CIT: variants seen among roughly 807,000 people sequenced by gnomAD.
The protein encoded by CIT is citron Rho-interacting kinase.
In CIT, 79 loss-of-function variants were observed where a neutral mutation model predicts 272.7. The observed-to-expected ratio is 0.29, with a 90% CI of 0.24 to 0.35. The LOEUF is 0.35. Among genes scored for constraint, CIT ranks in the 10% least tolerant of loss-of-function variants. The pLI, the probability that CIT is intolerant of heterozygous loss-of-function variation, is 1.00. For synonymous variants in CIT, 948 were observed against 995.6 expected (o/e 0.95, Z 0.90); for missense variants, 1,909 against 2,618.3 (o/e 0.73, Z 5.91).
chr12:119,840,189 A>T (rs1969313877), intron 5 of CIT, among the ~76,000 whole-genome samples: 2 of 152,170 alleles, frequency 1.3e-5, no homozygotes, highest in Admixed American at 1.3e-4. Flanking sequence ...ATGGTAGTAT[A>T]TGCCTATAGT....
chr12:119,715,146 C>T lies in CIT; in HGVS notation c.4169-812G>A, dbSNP rs555157203. Among the ~76,000 whole-genome samples the T allele has an allele frequency of 1.9e-4, 29 of 152,270 alleles. No homozygotes were observed. In the South Asian group the frequency reaches 2.5e-3, roughly 13 times the overall value. ...CTTGGTTCTTATTCTCTTTTGTCAC[C>T]GCCACATGAGACATGCCTTTTGCCT... On this transcript the variant is annotated intron_variant, in intron 32 of 47. Transcript: ENST00000392521.
intron 47 of CIT, among the ~76,000 whole-genome samples, chr12:119,689,563 T>C (rs530512871): frequency 6.6e-6 from 1 of 151,892 alleles, no homozygotes; most frequent in South Asian, 2.1e-4. Context: ...CACTTGCCTC[T>C]GGAGAAGGGA....
In CIT at chr12:119,784,339, G is replaced by C; in HGVS notation, c.1402-288C>G. The C allele has an allele frequency of 7.2e-7, 1 of 1,387,336 alleles. No individual in the cohort carries two copies. Among genetic ancestry groups the C allele is most frequent in the Non-Finnish European group, 9.5e-7 (1 of 1,053,780 alleles). 85.9% of individuals were successfully genotyped at this position (1,387,336 alleles called of 1,614,324 possible). On this transcript the variant is annotated intron_variant, in intron 11 of 47. Transcript: ENST00000392521. The surrounding 1 kb of genome is among the most constrained non-coding windows in gnomAD (Gnocchi z 4.7). ...CACAATCATCATTTTTCACCTGTTT[G>C]CTTTTGTTTTTGTTTTGTTTTTGCA... is the stretch of plus-strand genomic sequence containing the variant.
chr12:119,789,021 T>C (rs1387242315), intron 10 of CIT, among the ~76,000 whole-genome samples: 1 of 152,098 alleles, frequency 6.6e-6, no homozygotes, highest in Non-Finnish European at 1.5e-5. Context: ...AGAGTAAAGG[T>C]TATCAGGCTT....
intron 26 of CIT, among the ~76,000 whole-genome samples, chr12:119,731,475 CAAAAAAAA>C (rs34429031): frequency 1.9e-5 from 2 of 108,040 alleles, no homozygotes; most frequent in East Asian, 2.7e-4. Flanking sequence ...ACTCCATTCT[CAAAAAAAA>C]AAAAAAAAAG....
At chr12:119,790,732 A>G (rs936529744) in intron 10 of CIT, among the ~76,000 whole-genome samples, 2 of 152,174 alleles carry the variant, frequency 1.3e-5, no homozygotes, top group Non-Finnish European at 2.9e-5. Flanking sequence ...GGTGCTATTA[A>G]TATGTAGTGG....
At chr12:119,821,014 G>T (rs1022563277) in intron 9 of CIT, among the ~76,000 whole-genome samples, 1 of 151,884 alleles carries the variant, frequency 6.6e-6, no homozygotes, top group African/African-American at 2.4e-5. Context: ...AGAATTTTTT[G>T]GCCAGGCGTG....
Position 119,804,377 on chromosome 12 carries a change from G to C in CIT, c.1112-988C>G. On this transcript the variant is annotated intron_variant, in intron 9 of 47. Transcript: ENST00000392521. This position sits in a 1 kb window ranked among gnomAD's most constrained non-coding sequence, Gnocchi z 5.3. Reference sequence around the variant, plus strand: ...CGGGCCAGCCAGGCGAGTTAGAGCCGAGCATCACATCCCCCGCAGTGCAGG... The same window carrying C: ...CGGGCCAGCCAGGCGAGTTAGAGCCCAGCATCACATCCCCCGCAGTGCAGG... 5 of 985,530 alleles carry C rather than the reference G, an allele frequency of 5.1e-6. No individual in the cohort carries two copies. The highest frequency in any genetic ancestry group is 4.7e-5 in the South Asian group (1 of 21,284). 61.0% of individuals were successfully genotyped at this position (985,530 alleles called of 1,614,324 possible). A position where few individuals can be genotyped will look rare whatever the true frequency, so the allele number is the denominator to read the frequency against.
intron 23 of CIT, among the ~76,000 whole-genome samples, chr12:119,746,886 T>C (rs1959495163): frequency 6.6e-6 from 1 of 152,204 alleles, no homozygotes; most frequent in South Asian, 2.1e-4. Flanking sequence ...GTCATATGCT[T>C]TATGTTTTTT....
chr12:119,795,753 A>G (rs1202694032), intron 10 of CIT, among the ~76,000 whole-genome samples: 1 of 152,210 alleles, frequency 6.6e-6, no homozygotes, highest in Non-Finnish European at 1.5e-5. Flanking sequence ...AAAATAATCT[A>G]ATCTTCCTGA....
intron 7 of CIT, among the ~76,000 whole-genome samples, chr12:119,830,539 T>C (rs1968542070): frequency 6.6e-6 from 1 of 152,188 alleles, no homozygotes; most frequent in African/African-American, 2.4e-5. Context: ...CACATATTCC[T>C]GTCTAATTAA....
intron 23 of CIT, among the ~76,000 whole-genome samples, chr12:119,743,130 T>C (rs1446027592): frequency 6.6e-6 from 1 of 152,062 alleles, no homozygotes; most frequent in Non-Finnish European, 1.5e-5. Flanking sequence ...TAGGCATCCA[T>C]GACCCATGCC....
chr12:119,704,244 G>A (rs1325833949), intron 41 of CIT, 119 bp downstream of exon 41: 22 of 898,918 alleles, frequency 2.4e-5, no homozygotes, highest in East Asian at 2.0e-4. Context: ...CTAAAGGCCC[G>A]CAGGGTAGAA....
At chr12:119,816,695 T>G (rs1454359880) in intron 9 of CIT, among the ~76,000 whole-genome samples, 2 of 152,186 alleles carry the variant, frequency 1.3e-5, no homozygotes, top group East Asian at 1.9e-4. Flanking sequence ...CGTAATAGTT[T>G]TGCTGTTCGT....
chr12:119,865,275 G>A (rs748068528), intron 3 of CIT, among the ~76,000 whole-genome samples: 36 of 152,270 alleles, frequency 2.4e-4, no homozygotes, highest in Non-Finnish European at 5.0e-4. Context: ...ACAGTCTCAA[G>A]ACTAATGAAG....
At chr12:119,740,752 C>A (rs1959019447) in intron 24 of CIT, among the ~76,000 whole-genome samples, 1 of 152,080 alleles carries the variant, frequency 6.6e-6, no homozygotes, top group South Asian at 2.1e-4. Context: ...GCAAATAATT[C>A]TTGTGTAAAA....
intron 30 of CIT, among the ~76,000 whole-genome samples, chr12:119,719,416 A>C (rs762463343): frequency 6.6e-6 from 1 of 152,248 alleles, no homozygotes; most frequent in Non-Finnish European, 1.5e-5. Context: ...ACTTAAAAAA[A>C]AGGTAACTAA....
At chr12:119,738,662 T>C (rs764861684) in intron 24 of CIT, among the ~76,000 whole-genome samples, 1 of 152,036 alleles carries the variant, frequency 6.6e-6, no homozygotes, top group Non-Finnish European at 1.5e-5. Context: ...GGCGGGTGGA[T>C]CACCTGATGT....
intron 3 of CIT, among the ~76,000 whole-genome samples, chr12:119,862,036 T>C (rs1950354347): frequency 6.6e-6 from 1 of 152,170 alleles, no homozygotes; most frequent in Admixed American, 6.6e-5. Context: ...AGTCTCACTC[T>C]GTCACCCTGG....
Sources: allele counts gnomAD v4.1 joint callset (sites outside exome capture counted in the v4.1 genomes callset), GRCh38; gene constraint gnomAD v4.1.1; non-coding constraint Gnocchi (gnomAD v3.1); transcripts MANE v1.5; gene names NCBI Gene and HGNC (gene_info 2026-07-23, HGNC 2026-07-21).